The following ADAM12 variants were observed in gnomAD, a reference collection of about 807,000 sequenced individuals.
ADAM12 encodes ADAM metallopeptidase domain 12.
ADAM12 carries 70 observed loss-of-function variants against 106.4 expected under a neutral mutation model. The observed-to-expected ratio is 0.66, with a 90% CI of 0.54 to 0.80. The LOEUF is 0.80. Among genes scored for constraint, ADAM12 ranks in the 30% least tolerant of loss-of-function variants. The pLI, the probability that ADAM12 is intolerant of heterozygous loss-of-function variation, is 0.00. For synonymous variants in ADAM12, 420 were observed against 433.5 expected, an observed-to-expected ratio of 0.97 and a Z score of 0.39; for missense variants, 1,010 against 1,171.9, an observed-to-expected ratio of 0.86 and a Z score of 2.02.
Position 126,049,142 on chromosome 10 carries a change from A to G in ADAM12, c.1917+111T>C. Reference sequence around the variant, plus strand: ...ACTTTTTCTTCTAGGTGCATCTGAGAAGAAGTAGATTTAGGAAAACCAACA... The same window carrying G: ...ACTTTTTCTTCTAGGTGCATCTGAGGAGAAGTAGATTTAGGAAAACCAACA... On this transcript the variant is annotated intron_variant, in intron 16 of 22. Coordinates refer to ENST00000448723, the MANE Select transcript of ADAM12 (RefSeq NM_001288973.2). This position sits in a 1 kb window ranked among gnomAD's most constrained non-coding sequence, Gnocchi z 4.4. The G allele has an allele frequency of 7.3e-7, 1 of 1,372,818 alleles. No homozygotes were observed. The highest frequency in any genetic ancestry group is 1.8e-5 in the Admixed American group (1 of 56,684). 85.0% of individuals were successfully genotyped at this position (1,372,818 alleles called of 1,614,324 possible). A position where few individuals can be genotyped will look rare whatever the true frequency, so the allele number is the denominator to read the frequency against.
At chr10:126,253,356 C>G (rs1294037323) in intron 3 of ADAM12, among the ~76,000 whole-genome samples, 1 of 152,188 alleles carries the variant, frequency 6.6e-6, no homozygotes, top group African/African-American at 2.4e-5. Context: ...CATCTGCTCG[C>G]CAATGTGGCA....
intron 3 of ADAM12, among the ~76,000 whole-genome samples, chr10:126,270,401 G>T (rs1488951372): frequency 6.6e-6 from 1 of 152,208 alleles, no homozygotes; most frequent in Admixed American, 6.5e-5. Flanking sequence ...GAATTTCCCT[G>T]CTAGCCCCAG....
intron 1 of ADAM12, among the ~76,000 whole-genome samples, chr10:126,354,389 C>T (rs1014279038): frequency 3.3e-5 from 5 of 152,102 alleles, no homozygotes; most frequent in African/African-American, 4.8e-5. Context: ...GTCCTGTGTT[C>T]TGGAAGTAGG....
At chr10:126,083,060 C>A (rs1955261539) in intron 11 of ADAM12, among the ~76,000 whole-genome samples, 1 of 152,234 alleles carries the variant, frequency 6.6e-6, no homozygotes, top group South Asian at 2.1e-4. Context: ...GCCTCATGTT[C>A]AGTGCCGTGG....
intron 1 of ADAM12, among the ~76,000 whole-genome samples, chr10:126,354,936 A>G (rs1227673537): frequency 6.6e-6 from 1 of 152,180 alleles, no homozygotes; most frequent in Admixed American, 6.5e-5. Context: ...TAAAACTTGC[A>G]TTGATCTTGG....
intron 1 of ADAM12, among the ~76,000 whole-genome samples, chr10:126,336,925 G>T (rs1854722614): frequency 6.6e-6 from 1 of 152,190 alleles, no homozygotes; most frequent in Admixed American, 6.5e-5. Flanking sequence ...TGCATTCCTT[G>T]CTATTCAGAT....
chr10:126,343,889 A>G (rs1015508697), intron 1 of ADAM12, among the ~76,000 whole-genome samples: 2 of 152,054 alleles, frequency 1.3e-5, no homozygotes, highest in Non-Finnish European at 2.9e-5. Flanking sequence ...TTTTTCTTGT[A>G]AATTTGAATT....
intron 3 of ADAM12, among the ~76,000 whole-genome samples, chr10:126,233,393 C>CTG (rs1958351255): frequency 6.6e-6 from 1 of 152,150 alleles, no homozygotes; most frequent in Non-Finnish European, 1.5e-5. Context: ...CAGCCTCAGA[C>CTG]AAGGTCCTGC....
At chr10:126,323,904 G>A (rs1044310010) in intron 2 of ADAM12, among the ~76,000 whole-genome samples, 1 of 152,174 alleles carries the variant, frequency 6.6e-6, no homozygotes, top group Non-Finnish European at 1.5e-5. Flanking sequence ...GAGCATAGTC[G>A]AGTTGGCTTA....
chr10:126,198,078 C>T (rs1411434826), intron 3 of ADAM12, among the ~76,000 whole-genome samples: 1 of 152,208 alleles, frequency 6.6e-6, no homozygotes, highest in African/African-American at 2.4e-5. Flanking sequence ...CCAGGTATCT[C>T]CTCATGGGTT....
chr10:126,148,868 CA>C (rs5788767), intron 4 of ADAM12, among the ~76,000 whole-genome samples: 152,262 of 152,262 alleles, frequency 1, 76,131 homozygotes, highest in Non-Finnish European at 1. Flanking sequence ...TCTTCCCAGC[CA>C]AAAGCCTCAG....
chr10:126,176,279 C>G (rs997217765), intron 3 of ADAM12, among the ~76,000 whole-genome samples: 1 of 152,236 alleles, frequency 6.6e-6, no homozygotes, highest in Non-Finnish European at 1.5e-5. Context: ...GCCTTTGGCT[C>G]AAAGAGCTCA....
In ADAM12 at chr10:126,066,002, A is replaced by G. The variant is rs2133482850; in HGVS notation, c.1413+715T>C. On this transcript the variant is annotated intron_variant, in intron 13 of 22. Transcript: ENST00000448723. This position sits in a 1 kb window ranked among gnomAD's most constrained non-coding sequence, Gnocchi z 5.1. ...ACATTAAATGTTATAATGCACTTCT[A>G]AATCACCGTGCTCACGTGGGGCAGC... 6.6e-6 allele frequency among the ~76,000 whole-genome samples: 1 copy of G among 152,330 alleles called. No homozygotes were observed. Among genetic ancestry groups the G allele is most frequent in the South Asian group, 2.1e-4 (1 of 4,826 alleles).
intron 3 of ADAM12, among the ~76,000 whole-genome samples, chr10:126,214,258 T>C (rs1957948303): frequency 6.6e-6 from 1 of 152,236 alleles, no homozygotes; most frequent in South Asian, 2.1e-4. Context: ...GGTCACATCC[T>C]GGCTCGACCC....
At chr10:126,137,359 G>A (rs1368394714) in intron 4 of ADAM12, among the ~76,000 whole-genome samples, 1 of 152,122 alleles carries the variant, frequency 6.6e-6, no homozygotes. Context: ...ATATCAGGTA[G>A]AGTTAAGTTG....
chr10:126,041,283 G>A (rs534370743), intron 18 of ADAM12: 514 of 974,496 alleles, frequency 5.3e-4, no homozygotes, highest in Non-Finnish European at 6.0e-4. Flanking sequence ...GGAGCAGTGA[G>A]CCATGCTTGC....
intron 10 of ADAM12, 53 bp downstream of exon 10, chr10:126,098,363 C>T: frequency 6.9e-7 from 1 of 1,456,460 alleles, no homozygotes; most frequent in Non-Finnish European, 9.6e-7. Context: ...AAAGTAGTGA[C>T]TTCCTGGGGA....
chr10:126,272,807 C>A, intron 3 of ADAM12: 2 of 385,290 alleles, frequency 5.2e-6, no homozygotes, highest in South Asian at 2.2e-5. Flanking sequence ...AGGCTATGGT[C>A]AGCATTAATA....
chr10:126,112,957 C>T (rs1955898214), intron 6 of ADAM12, among the ~76,000 whole-genome samples: 1 of 152,168 alleles, frequency 6.6e-6, no homozygotes, highest in South Asian at 2.1e-4. Flanking sequence ...CCTCCTGAAA[C>T]TCATATTCTG....
Sources: gnomAD v4.1 joint callset for allele counts (sites outside exome capture counted in the v4.1 genomes callset) on GRCh38, gnomAD v4.1.1 for gene constraint, Gnocchi (gnomAD v3.1) non-coding constraint, MANE v1.5 for transcripts, NCBI Gene and HGNC (gene_info 2026-07-23, HGNC 2026-07-21) for gene names.